Variants in RPS6KC1 observed in about 807,000 individuals in gnomAD.
RPS6KC1 encodes the protein inactive ribosomal protein S6 kinase delta-1.
Under a neutral mutation model 103.8 loss-of-function variants are expected in RPS6KC1, and 54 were observed. The observed-to-expected ratio is 0.52, with a 90% CI of 0.42 to 0.65. The LOEUF (loss-of-function observed/expected upper bound fraction) is 0.65. Among genes scored for constraint, RPS6KC1 ranks in the 30% least tolerant of loss-of-function variants. RPS6KC1 has a pLI of 0.00. For missense variants in RPS6KC1, 1,151 were observed against 1,253.8 expected (o/e 0.92, Z 1.24); for synonymous variants, 439 against 438.7 (o/e 1.00, Z -0.01).
the RPS6KC1 span, among the ~76,000 whole-genome samples, chr1:213,347,419 AT>A: frequency 5.3e-5 from 8 of 152,156 alleles, no homozygotes; most frequent in Admixed American, 2.0e-4. Context: ...CAATGTATGG[AT>A]TGGCTGGGCA....
downstream of RPS6KC1, among the ~76,000 whole-genome samples, chr1:213,278,109 G>A (rs1278346777): frequency 6.6e-6 from 1 of 151,970 alleles, no homozygotes; most frequent in Non-Finnish European, 1.5e-5. Context: ...GGAGGCTGAG[G>A]TGGGAGAATT....
the RPS6KC1 span, chr1:213,842,259 G>A: frequency 2.0e-5 from 3 of 152,352 alleles, no homozygotes; most frequent in Admixed American, 6.5e-5. Context: ...ACAAATTAGT[G>A]CACAATACAG....
intron 4 of RPS6KC1, among the ~76,000 whole-genome samples, chr1:213,116,302 A>G (rs963888070): frequency 6.7e-6 from 1 of 150,172 alleles, no homozygotes. Context: ...CTTTACCATT[A>G]TGTAATGGCC....
intron 7 of RPS6KC1, among the ~76,000 whole-genome samples, chr1:213,173,669 C>T (rs1369551153): frequency 6.6e-6 from 1 of 152,164 alleles, no homozygotes; most frequent in Non-Finnish European, 1.5e-5. Flanking sequence ...GTTTTTCATA[C>T]ACTAATGATG....
the RPS6KC1 span, among the ~76,000 whole-genome samples, chr1:213,416,383 G>A: frequency 1.3e-5 from 2 of 152,246 alleles, no homozygotes; most frequent in African/African-American, 4.8e-5. Context: ...ATTGGACATT[G>A]GAGAATGCAT....
At chr1:213,570,431 C>CAACTGAAA in the RPS6KC1 span, among the ~76,000 whole-genome samples, 2 of 152,140 alleles carry the variant, frequency 1.3e-5, no homozygotes, top group African/African-American at 4.8e-5. Context: ...ACCCACGTCC[C>CAACTGAAA]AACTGAAAAA....
At chr1:213,710,333 G>T in the RPS6KC1 span, among the ~76,000 whole-genome samples, 1 of 152,016 alleles carries the variant, frequency 6.6e-6, no homozygotes, top group East Asian at 1.9e-4. Context: ...GCCTAGGATT[G>T]CAGCCCCTGC....
At chr1:213,375,177 A>T in the RPS6KC1 span, among the ~76,000 whole-genome samples, 2 of 151,986 alleles carry the variant, frequency 1.3e-5, no homozygotes, top group Non-Finnish European at 2.9e-5. Flanking sequence ...ACACATACAC[A>T]TACACACATG....
the RPS6KC1 span, among the ~76,000 whole-genome samples, chr1:213,735,011 C>T: frequency 6.6e-6 from 1 of 152,214 alleles, no homozygotes; most frequent in Non-Finnish European, 1.5e-5. Flanking sequence ...GCAAGCTCCA[C>T]CTCCTGGGTT....
intron 6 of RPS6KC1, among the ~76,000 whole-genome samples, chr1:213,142,724 C>T (rs1489819022): frequency 6.6e-6 from 1 of 152,044 alleles, no homozygotes; most frequent in Non-Finnish European, 1.5e-5. Flanking sequence ...GCAGTATTCC[C>T]TCTAACAGCA....
chr1:213,365,000 G>C, the RPS6KC1 span, among the ~76,000 whole-genome samples: 1 of 152,130 alleles, frequency 6.6e-6, no homozygotes, highest in Admixed American at 6.5e-5. Flanking sequence ...GGTTGAATGG[G>C]CACATAGGAT....
the RPS6KC1 span, among the ~76,000 whole-genome samples, chr1:213,763,659 C>G: frequency 6.6e-6 from 1 of 152,184 alleles, no homozygotes. Context: ...CCACAAAAAA[C>G]TTCTGGTTGC....
chr1:213,558,583 C>G, the RPS6KC1 span, among the ~76,000 whole-genome samples: 1 of 152,334 alleles, frequency 6.6e-6, no homozygotes, highest in Middle Eastern at 3.4e-3. Flanking sequence ...GACTCTTCTT[C>G]CCTGTCTTTC....
the RPS6KC1 span, among the ~76,000 whole-genome samples, chr1:213,327,236 A>AAAAGAAAAGAAAGAAAGAAAG: frequency 1.0e-3 from 145 of 144,688 alleles, 1 homozygote; most frequent in African/African-American, 3.4e-3. Context: ...GAAAGAAAAG[A>AAAAGAAAAGAAAGAAAGAAAG]AAAGAAAGAA....
the RPS6KC1 span, among the ~76,000 whole-genome samples, chr1:213,581,295 C>A: frequency 1.5e-4 from 23 of 152,088 alleles, no homozygotes; most frequent in African/African-American, 5.1e-4. Context: ...TTTTACTCCC[C>A]ATTTGTCATT....
intron 8 of RPS6KC1, chr1:213,205,534 A>ATT (rs1200177100): frequency 5.7e-5 from 6 of 105,226 alleles, no homozygotes; most frequent in African/African-American, 2.2e-4. Context: ...CAACAAACTC[A>ATT]TTTATATATA....
At chr1:213,123,826 A>C (rs1284402485) in intron 5 of RPS6KC1, among the ~76,000 whole-genome samples, 2 of 152,158 alleles carry the variant, frequency 1.3e-5, no homozygotes, top group Non-Finnish European at 2.9e-5. Context: ...AGCTAATAAT[A>C]ATGAGGCCAT....
At chr1:213,303,035 A>G in the RPS6KC1 span, among the ~76,000 whole-genome samples, 1 of 152,144 alleles carries the variant, frequency 6.6e-6, no homozygotes, top group Non-Finnish European at 1.5e-5. Flanking sequence ...TGGGCACACT[A>G]AAGATTTGAG....
chr1:213,162,719 A>G (rs1016684406), intron 6 of RPS6KC1, among the ~76,000 whole-genome samples: 3 of 152,276 alleles, frequency 2.0e-5, no homozygotes, highest in Non-Finnish European at 2.9e-5. Flanking sequence ...TTAACACTCT[A>G]TGATATAATG....
Sources: allele counts gnomAD v4.1 joint callset (sites outside exome capture counted in the v4.1 genomes callset), GRCh38; gene constraint gnomAD v4.1.1; transcripts MANE v1.5; gene names NCBI Gene and HGNC (gene_info 2026-07-23, HGNC 2026-07-21).